The following CACNA1G variants were observed in gnomAD, a reference collection of about 807,000 sequenced individuals.
CACNA1G encodes calcium voltage-gated channel subunit alpha1 G.
Under a neutral mutation model 219.4 loss-of-function variants are expected in CACNA1G, and 67 were observed. That is an observed-to-expected ratio of 0.31 (90% confidence interval 0.25 to 0.37). CACNA1G has a LOEUF of 0.37. Ranked by LOEUF, CACNA1G falls within the 10% of genes least tolerant of loss-of-function variation. The probability of loss-of-function intolerance (pLI) is 1.00; values close to 1 mark genes in which losing one functional copy is unlikely to be tolerated. For synonymous variants in CACNA1G, 1,296 were observed against 1,345.3 expected, an observed-to-expected ratio of 0.96 and a Z score of 0.80; for missense variants, 2,380 against 3,231.4, an observed-to-expected ratio of 0.74 and a Z score of 6.39.
rs757955804 is a variant in CACNA1G at position 50,575,674 on chromosome 17, T to C, written c.1272T>C (p.Ala424=). 3.1e-6 allele frequency: 5 copies of C among 1,612,680 alleles called. No individual in the cohort carries two copies. The highest frequency in any genetic ancestry group is 1.7e-6 in the Non-Finnish European group (2 of 1,179,496). Residue 424 remains alanine, a synonymous_variant, in exon 8 of 38, where the codon GCT becomes GCC. Coordinates refer to ENST00000359106, the MANE Select transcript of CACNA1G (RefSeq NM_018896.5). ...TCCTGTCCAACGCCAGCACCCTGGC[T>C]AGCTTCTCTGAGCCCGGCAGCTGCT... is the stretch of plus-strand genomic sequence containing the variant. ...VRFLSNASTL[A]SFSEPGSCYE... is the part of the protein sequence containing the mutation.
In CACNA1G at chr17:50,604,172, A is replaced by G; in HGVS notation, c.4187A>G (p.Gln1396Arg). 1 of 1,613,352 alleles carries G rather than the reference A, an allele frequency of 6.2e-7. No individual in the cohort carries two copies. The highest frequency in any genetic ancestry group is 8.5e-7 in the Non-Finnish European group (1 of 1,179,454). ...CTCCCCAGGGTGATCAGCCGGGCGC[A>G]GGGGCTGAAGCTGGTGGTGGAGACG... ...LRPLRVISRA[Q>R]GLKLVVETLM... The change falls in exon 22 of 38, where the codon CAG becomes CGG. Residue 1396 changes from glutamine to arginine, a missense_variant. Gln to Arg is a conservative substitution (Grantham distance 43). Transcript: ENST00000359106.
At chr17:50,595,235 A>T (rs2045283209) in intron 14 of CACNA1G, among the ~76,000 whole-genome samples, 174 bp downstream of exon 14, 1 of 152,094 alleles carries the variant, frequency 6.6e-6, no homozygotes, top group African/African-American at 2.4e-5. Context: ...TTCCCCCTTG[A>T]GGACACGGAA....
intron 26 of CACNA1G, among the ~76,000 whole-genome samples, chr17:50,610,723 C>T (rs1490693369): frequency 1.3e-5 from 2 of 152,160 alleles, no homozygotes. Context: ...GTTATCATCT[C>T]CTCCAACAGA....
chr17:50,627,422 T>C lies in CACNA1G; in HGVS notation c.*671T>C. ...CTTTTTATATATACATACATACATA[T>C]CTATCTATCTATCTATATATATATA... On this transcript the variant is annotated 3_prime_UTR_variant, in exon 38 of 38. Coordinates refer to ENST00000359106, the MANE Select transcript of CACNA1G (RefSeq NM_018896.5). 1 of 328,624 alleles carries C rather than the reference T, an allele frequency of 3.0e-6. No individual in the cohort carries two copies. The highest frequency in any genetic ancestry group is 2.6e-5 in the South Asian group (1 of 38,134). The allele number at this position is 328,624 out of a possible 1,614,324, so 20.4% of individuals were successfully genotyped here.
chr17:50,561,384 G>C lies in CACNA1G; in HGVS notation c.-76G>C, dbSNP rs2035541363. 2.0e-6 allele frequency: 3 copies of C among 1,527,786 alleles called. No individual in the cohort carries two copies. The highest frequency in any genetic ancestry group is 2.3e-4 in the Middle Eastern group (1 of 4,366). The allele number at this position is 1,527,786 out of a possible 1,614,324, so 94.6% of individuals were successfully genotyped here. On this transcript the variant is annotated 5_prime_UTR_variant, in exon 1 of 38. Coordinates refer to ENST00000359106, the MANE Select transcript of CACNA1G (RefSeq NM_018896.5). ...GATGTGCCCCCGCCGGGGCCCCCGG[G>C]TTGCGTGAGGACACCTCCTCTGAGG...
chr17:50,562,189 G>A (rs1452878155), intron 1 of CACNA1G: 3 of 153,834 alleles, frequency 2.0e-5, no homozygotes, highest in Non-Finnish European at 2.9e-5. Flanking sequence ...GCAATCTCCT[G>A]GGTTTCCCTC....
At chr17:50,582,014 A>T (rs972147180) in intron 9 of CACNA1G, among the ~76,000 whole-genome samples, 3 of 152,220 alleles carry the variant, frequency 2.0e-5, no homozygotes, top group African/African-American at 7.2e-5. Flanking sequence ...ATTCCACCGA[A>T]TGTGGGGTTG....
At chr17:50,606,750 C>A in intron 23 of CACNA1G, 150 bp from the exon 24 acceptor site, 1 of 655,926 alleles carries the variant, frequency 1.5e-6, no homozygotes. Flanking sequence ...AGAGGGAGGG[C>A]TCTCCTGGAG....
rs1304020041 is a variant in CACNA1G at position 50,608,001 on chromosome 17, C to T, written c.4687C>T (p.Leu1563=). 3 of 1,610,694 alleles carry T rather than the reference C, an allele frequency of 1.9e-6. No homozygotes were observed. The South Asian group carries it at 3.3e-5, about 18-fold the overall frequency. The part of the protein sequence containing the change: ...RRREEKRLRR[L]EKKRRNLMLD... Reference sequence around the variant, plus strand: ...GCGGGAGGAGAAGCGCCTACGAAGACTGGAGAAAAAGAGAAGGAGTAAGGA... The same window carrying T: ...GCGGGAGGAGAAGCGCCTACGAAGATTGGAGAAAAAGAGAAGGAGTAAGGA... Residue 1563 remains leucine (L), a synonymous_variant, in exon 25 of 38, where the codon CTG becomes TTG. Transcript: ENST00000359106.
chr17:50,592,982 T>C (rs2044664611), intron 13 of CACNA1G, among the ~76,000 whole-genome samples: 1 of 152,238 alleles, frequency 6.6e-6, no homozygotes, highest in Non-Finnish European at 1.5e-5. Context: ...GGCTTTTCCC[T>C]GTGGGCCGGC....
rs61209781 is a variant in CACNA1G, at chr17:50,613,372, C to G, written c.4760-1989C>G. Among the ~76,000 whole-genome samples the G allele has an allele frequency of 2.5e-3, 381 of 152,270 alleles. 2 individuals are homozygous for G. Among genetic ancestry groups the G allele is most frequent in the African/African-American group, 8.6e-3 (357 of 41,546 alleles). On this transcript the variant is annotated intron_variant, in intron 26 of 37. Transcript: ENST00000359106. ...GGGTGTTTGTACAGACCTCAGGGGCCGGGACCTGTCTATAAGCAGATGCCC... is the reference window on the plus strand; with the variant it reads ...GGGTGTTTGTACAGACCTCAGGGGCGGGGACCTGTCTATAAGCAGATGCCC...
At position 50,626,474 on chromosome 17, in the gene CACNA1G, A is replaced by G; in HGVS notation, c.6857A>G (p.Asp2286Gly). 6.3e-7 allele frequency: 1 copy of G among 1,594,548 alleles called. No homozygotes were observed. The highest frequency in any genetic ancestry group is 2.3e-5 in the East Asian group (1 of 43,730). ...GGCTCCCAACCCCACCTGGGCACAG[A>G]CCCCTCTAACCTTGGGGGCCAGCCT... ...DSGSQPHLGT[D>G]PSNLGGQPLG... Residue 2286 changes from aspartate to glycine, a missense_variant, in exon 38 of 38, where the codon GAC becomes GGC. By Grantham distance (94) the Asp-to-Gly change is moderately conservative (BLOSUM62 -1). Coordinates refer to ENST00000359106, the MANE Select transcript of CACNA1G (RefSeq NM_018896.5). This position sits in a 1 kb window ranked among gnomAD's most constrained non-coding sequence, Gnocchi z 4.3.
intron 35 of CACNA1G, among the ~76,000 whole-genome samples, chr17:50,623,200 A>G (rs1253573584): frequency 6.9e-6 from 1 of 145,700 alleles, no homozygotes; most frequent in Non-Finnish European, 1.5e-5. Context: ...GGCTCAAGCA[A>G]TCCTCCCACC....
chr17:50,584,629 G>A (rs555023693), intron 9 of CACNA1G, among the ~76,000 whole-genome samples: 132 of 151,844 alleles, frequency 8.7e-4, no homozygotes, highest in African/African-American at 3.0e-3. Context: ...GGGGGGCGGC[G>A]GGGGAGCACA....
At chr17:50,568,066 T>C (rs1040516620) in intron 1 of CACNA1G, among the ~76,000 whole-genome samples, 10 of 152,128 alleles carry the variant, frequency 6.6e-5, no homozygotes, top group African/African-American at 2.2e-4. Flanking sequence ...TGAATATGCC[T>C]AGTGGTCATT....
intron 1 of CACNA1G, among the ~76,000 whole-genome samples, chr17:50,566,314 C>G (rs971554825): frequency 1.4e-5 from 2 of 139,446 alleles, no homozygotes; most frequent in African/African-American, 5.4e-5. Context: ...AGACCCCCCC[C>G]CCATCAATTA....
rs770754678 is a variant in CACNA1G at position 50,624,425 on chromosome 17, G to C, written c.6295G>C (p.Ala2099Pro). Residue 2099 changes from alanine (A) to proline (P), a missense_variant, in exon 37 of 38, where the codon GCA becomes CCA. Coordinates refer to ENST00000359106, the MANE Select transcript of CACNA1G (RefSeq NM_018896.5). ...CTACATCCTGCAGCTTCCCAAAGATGCACCTCATCTGCTCCAGCCCCACAG... is the reference window on the plus strand; with the variant it reads ...CTACATCCTGCAGCTTCCCAAAGATCCACCTCATCTGCTCCAGCCCCACAG... ...TSYILQLPKD[A>P]PHLLQPHSAP... 1.1e-5 allele frequency: 18 copies of C among 1,585,460 alleles called. No individual in the cohort carries two copies. The highest frequency in any genetic ancestry group is 1.5e-5 in the Non-Finnish European group (17 of 1,165,526).
chr17:50,569,827 C>T (rs757688797), intron 4 of CACNA1G, 24 bp downstream of exon 4: 1 of 1,522,004 alleles, frequency 6.6e-7, no homozygotes, highest in South Asian at 1.2e-5. Flanking sequence ...CAGCCCTCAG[C>T]CCCTGAAGAG....
Position 50,576,237 on chromosome 17 carries a change from C to A in CACNA1G, c.1835C>A (p.Ala612Asp), listed in dbSNP as rs1230649697. Residue 612 changes from alanine to aspartate, a missense_variant, in exon 8 of 38, where the codon GCC becomes GAC. Ala to Asp is a moderately radical substitution (Grantham distance 126, BLOSUM62 -2). Transcript: ENST00000359106. ...LKEKALVEVAASSGPPTLTSL... is the reference protein window; with the variant it reads ...LKEKALVEVADSSGPPTLTSL... ...GAGAAGGCACTAGTAGAGGTGGCTG[C>A]CAGCTCTGGGCCCCCAACCCTCACC... The A allele has an allele frequency of 1.2e-6, 2 of 1,601,190 alleles. No individual in the cohort carries two copies. The highest frequency in any genetic ancestry group is 2.7e-5 in the African/African-American group (2 of 74,636).
Sources: allele counts gnomAD v4.1 joint callset (sites outside exome capture counted in the v4.1 genomes callset), GRCh38; gene constraint gnomAD v4.1.1; non-coding constraint Gnocchi (gnomAD v3.1); transcripts MANE v1.5; gene names NCBI Gene and HGNC (gene_info 2026-07-23, HGNC 2026-07-21).